SLC17A5: variants seen among roughly 807,000 people sequenced by gnomAD.
The protein encoded by SLC17A5 is sialin.
In SLC17A5, 47 loss-of-function variants were observed where a neutral mutation model predicts 59.4. The ratio of observed to expected loss-of-function variants is 0.79; its 90% confidence interval spans 0.63 to 1.01. The LOEUF is 1.01. SLC17A5 is among the 50% of genes least tolerant of loss of function. The probability of loss-of-function intolerance (pLI) is 0.00; values close to 1 mark genes in which losing one functional copy is unlikely to be tolerated. For synonymous variants in SLC17A5, 202 were observed against 210.7 expected (o/e 0.96, Z 0.36); for missense variants, 522 against 595.5 (o/e 0.88, Z 1.28).
At chr6:73,639,795 C>A (rs1025675959) in intron 3 of SLC17A5, among the ~76,000 whole-genome samples, 19 of 152,276 alleles carry the variant, frequency 1.2e-4, no homozygotes, top group African/African-American at 4.3e-4. Context: ...CCTGTAATCC[C>A]AGCACTTTGG....
chr6:73,639,399 G>A (rs975649677), intron 3 of SLC17A5, among the ~76,000 whole-genome samples: 2 of 152,084 alleles, frequency 1.3e-5, no homozygotes, highest in Non-Finnish European at 2.9e-5. Context: ...TGTACTTTCC[G>A]CTGACTCTTT....
At chr6:73,649,176 T>C (rs559323266) in intron 1 of SLC17A5, among the ~76,000 whole-genome samples, 1 of 152,214 alleles carries the variant, frequency 6.6e-6, no homozygotes, top group East Asian at 1.9e-4. Context: ...TTTTGTATTT[T>C]TGGTAGAGAC....
chr6:73,596,868 A>AAAACAAAACAAAACG (rs1766830992), intron 10 of SLC17A5, among the ~76,000 whole-genome samples: 1 of 151,556 alleles, frequency 6.6e-6, no homozygotes, highest in Non-Finnish European at 1.5e-5. Context: ...AAAACAAAAC[A>AAAACAAAACAAAACG]AAACAAAACT....
rs372079299 is a variant in SLC17A5, at chr6:73,618,244, G to GAAATAAAATA, written c.979-2807_979-2798dup. The GAAATAAAATA allele has an allele frequency of 2.9e-3, 413 of 141,384 alleles. 7 individuals carry two copies. Among genetic ancestry groups the GAAATAAAATA allele is most frequent in the East Asian group, 0.018 (94 of 5,220 alleles). The allele number at this position is 141,384 out of a possible 1,614,324, so 8.8% of individuals were successfully genotyped here. A position where few individuals can be genotyped will look rare whatever the true frequency, so the allele number is the denominator to read the frequency against. On this transcript the variant is annotated intron_variant, in intron 7 of 10. Transcript: ENST00000355773. Reference sequence around the variant, plus strand: ...ACTCAGTCTTAAAATAAAATAAAATGAAATAAAATAAAATAAAATAAAATA... The same window carrying GAAATAAAATA: ...ACTCAGTCTTAAAATAAAATAAAATGAAATAAAATAAAATAAAATAAAATAAAATAAAATA...
intron 10 of SLC17A5, among the ~76,000 whole-genome samples, chr6:73,598,046 G>A (rs1454423252): frequency 6.6e-6 from 1 of 152,146 alleles, no homozygotes; most frequent in Non-Finnish European, 1.5e-5. Flanking sequence ...AGAAAGAAAT[G>A]TTTGAAACAG....
intron 8 of SLC17A5, 44 bp downstream of exon 8, chr6:73,615,271 G>C (rs1305426992): frequency 6.2e-7 from 1 of 1,606,992 alleles, no homozygotes; most frequent in South Asian, 1.1e-5. Context: ...TGTAAACATG[G>C]TAAATAACTG....
chr6:73,640,959 T>TA (rs1234458594), intron 3 of SLC17A5, among the ~76,000 whole-genome samples: 2 of 152,118 alleles, frequency 1.3e-5, no homozygotes, highest in Non-Finnish European at 2.9e-5. Context: ...GAATAAGCGA[T>TA]AAAAAAGAAA....
intron 2 of SLC17A5, 50 bp downstream of exon 2, chr6:73,644,357 G>T: frequency 2.1e-6 from 3 of 1,402,190 alleles, no homozygotes; most frequent in African/African-American, 1.4e-5. Context: ...ATTTTTACTT[G>T]CAAGTATTTT....
rs2150118480 is a variant in SLC17A5, at chr6:73,641,906, C to T, written c.310G>A (p.Asp104Asn). 2 of 1,613,958 alleles carry T rather than the reference C, an allele frequency of 1.2e-6. No individual in the cohort carries two copies. The highest frequency in any genetic ancestry group is 1.7e-6 in the Non-Finnish European group (2 of 1,179,844). ...HNQTGKKYQWDAETQGWILGS... is the reference protein window; with the variant it reads ...HNQTGKKYQWNAETQGWILGS... The stretch of plus-strand genomic sequence containing the variant: ...AGAATCCATCCTTGAGTTTCTGCAT[C>T]CCATTGGTACTTCTTACCCTACAAA... Residue 104 changes from aspartate (D) to asparagine (N), a missense_variant, in exon 3 of 11, where the codon GAT becomes AAT. Transcript: ENST00000355773.
chr6:73,600,555 CT>C lies in SLC17A5; in HGVS notation c.1260-115del, dbSNP rs1454207390. 1.1e-4 allele frequency: 88 copies of C among 837,322 alleles called. No homozygotes were observed. The African/African-American group carries it at 1.6e-3, about 15-fold the overall frequency. The allele number at this position is 837,322 out of a possible 1,614,324, so 51.9% of individuals were successfully genotyped here. On this transcript the variant is annotated intron_variant, in intron 9 of 10. Transcript: ENST00000355773. Reference sequence around the variant, plus strand: ...ACAGAGTCTCACTCTGTGGCCCAGGCTTGAGGGCAGTGGGATGATCTCAGCT... The same window carrying C: ...ACAGAGTCTCACTCTGTGGCCCAGGCTGAGGGCAGTGGGATGATCTCAGCT...
At chr6:73,617,249 C>T (rs1418267169) in intron 7 of SLC17A5, among the ~76,000 whole-genome samples, 5 of 151,334 alleles carry the variant, frequency 3.3e-5, no homozygotes, top group Admixed American at 1.3e-4. Context: ...CAAGATTGCT[C>T]TGGTGCAGTC....
rs968961794 is a variant in SLC17A5, at chr6:73,638,450, G to C, written c.575C>G (p.Pro192Arg). 1 of 1,613,776 alleles carries C rather than the reference G, an allele frequency of 6.2e-7. No individual in the cohort carries two copies. Among genetic ancestry groups the C allele is most frequent in the African/African-American group, 1.3e-5 (1 of 74,912 alleles). The change falls in exon 4 of 11, where the codon CCT (proline) becomes CGT (arginine). Residue 192 changes from proline (P) to arginine (R), a missense_variant. Pro to Arg is a moderately radical substitution (Grantham distance 103, BLOSUM62 -2). Around this residue, in one of 3 missense-constraint regions of SLC17A5, gnomAD observed 338 missense variants for 363.8 expected, o/e 0.93. Transcript: ENST00000355773. ...GCTAAGAAGTTTGCTTCTTTCAAGA[G>C]GGGGAGCCCAAGAAGACCACATGGC... The part of the protein sequence containing the change: ...MHAMWSSWAP[P>R]LERSKLLSIS...
chr6:73,622,018 G>A, intron 6 of SLC17A5, 56 bp from the exon 7 acceptor site: 3 of 1,534,270 alleles, frequency 2.0e-6, no homozygotes, highest in South Asian at 2.2e-5. Flanking sequence ...GCTTAGATCT[G>A]TACCGTATCA....
At chr6:73,611,389 C>T (rs1200097248) in intron 8 of SLC17A5, among the ~76,000 whole-genome samples, 2 of 152,190 alleles carry the variant, frequency 1.3e-5, no homozygotes, top group African/African-American at 4.8e-5. Context: ...AAGTGATTCT[C>T]CTGCCTCAGC....
chr6:73,605,474 C>T (rs1767350671), intron 9 of SLC17A5, among the ~76,000 whole-genome samples: 2 of 152,026 alleles, frequency 1.3e-5, no homozygotes, highest in African/African-American at 4.8e-5. Context: ...TATGTAATCC[C>T]CAATAAGATA....
intron 9 of SLC17A5, among the ~76,000 whole-genome samples, chr6:73,606,029 A>T (rs2150082846): frequency 7.1e-6 from 1 of 140,788 alleles, no homozygotes; most frequent in East Asian, 2.0e-4. Context: ...ATTTGATGAG[A>T]TTTATTTATT....
chr6:73,624,092 C>T (rs1350727264), intron 6 of SLC17A5, among the ~76,000 whole-genome samples: 1 of 151,964 alleles, frequency 6.6e-6, no homozygotes, highest in East Asian at 1.9e-4. Context: ...CACATTGCTC[C>T]CTTTAAATAT....
intron 2 of SLC17A5, 127 bp from the exon 3 acceptor site, chr6:73,642,051 A>G: frequency 1.3e-6 from 1 of 792,704 alleles, no homozygotes; most frequent in Non-Finnish European, 2.2e-6. Context: ...AGAACATGCA[A>G]ACTTTCTAGT....
At chr6:73,642,649 A>C (rs961083538) in intron 2 of SLC17A5, among the ~76,000 whole-genome samples, 5 of 152,240 alleles carry the variant, frequency 3.3e-5, no homozygotes, top group Non-Finnish European at 7.3e-5. Context: ...GTAACAGCAC[A>C]CAGCAAGGTA....
Sources: gnomAD v4.1 joint callset for allele counts (sites outside exome capture counted in the v4.1 genomes callset) on GRCh38, gnomAD v4.1.1 for gene constraint, gnomAD v4.1.1 regional missense constraint, MANE v1.5 for transcripts, NCBI Gene and HGNC (gene_info 2026-07-23, HGNC 2026-07-21) for gene names.